MDFIC2: variants seen among roughly 807,000 people sequenced by gnomAD.
MDFIC2 encodes myoD family inhibitor domain-containing protein 2.
chr3:70,252,389 G>T (rs1292704782), intron 2 of MDFIC2, among the ~76,000 whole-genome samples: 1 of 152,164 alleles, frequency 6.6e-6, no homozygotes, highest in Non-Finnish European at 1.5e-5. Context: ...TTAGACAATT[G>T]GGTGTTGGGG....
chr3:70,211,399 TCCTTTTG>T (rs1341535998), intron 2 of MDFIC2, among the ~76,000 whole-genome samples: 64 of 6,160 alleles, frequency 0.01, no homozygotes, highest in Non-Finnish European at 0.056. Flanking sequence ...TCCCTTCCCT[TCCTTTTG>T]CCCTTCCCTT....
intron 2 of MDFIC2, among the ~76,000 whole-genome samples, chr3:70,288,024 A>C (rs1427095221): frequency 1.3e-5 from 2 of 151,170 alleles, no homozygotes; most frequent in Admixed American, 1.3e-4. Flanking sequence ...TGGATTCATT[A>C]ATTTTTTGAA....
intron 2 of MDFIC2, among the ~76,000 whole-genome samples, chr3:70,296,403 C>T (rs80045983): frequency 7.2e-5 from 11 of 152,030 alleles, no homozygotes; most frequent in Admixed American, 7.2e-4. Context: ...GAAAATGGAC[C>T]TAATTTTAGA....
chr3:70,289,917 C>T (rs1427977729), intron 2 of MDFIC2, among the ~76,000 whole-genome samples: 2 of 151,982 alleles, frequency 1.3e-5, no homozygotes, highest in African/African-American at 4.8e-5. Flanking sequence ...CCATCAGCTC[C>T]TTTAAGCACT....
chr3:70,282,575 C>G (rs1702098972), intron 2 of MDFIC2, among the ~76,000 whole-genome samples: 1 of 152,184 alleles, frequency 6.6e-6, no homozygotes. Flanking sequence ...TCTCCTGAAT[C>G]AGGAACTTTG....
At chr3:70,271,098 CTG>C (rs1424058509) in intron 2 of MDFIC2, among the ~76,000 whole-genome samples, 2 of 151,910 alleles carry the variant, frequency 1.3e-5, no homozygotes, top group African/African-American at 4.8e-5. Context: ...TTTATCGAAG[CTG>C]GGAAGTTGTA....
intron 2 of MDFIC2, among the ~76,000 whole-genome samples, chr3:70,248,311 A>G (rs1701727805): frequency 6.6e-6 from 1 of 152,128 alleles, no homozygotes; most frequent in South Asian, 2.1e-4. Flanking sequence ...CACTGGAGAA[A>G]TAATGTTCCA....
intron 2 of MDFIC2, among the ~76,000 whole-genome samples, chr3:70,289,491 C>T (rs1188619128): frequency 5.4e-5 from 8 of 149,520 alleles, no homozygotes; most frequent in African/African-American, 2.0e-4. Context: ...CTGCCCTTAA[C>T]ATTTTTTCCT....
In MDFIC2 at chr3:70,293,799, A is replaced by G. The variant is rs1018385663; in HGVS notation, c.88+18087T>C. Among the ~76,000 whole-genome samples, 4 of 152,104 alleles carry G rather than the reference A, an allele frequency of 2.6e-5. No individual in the cohort carries two copies. In the East Asian group the frequency reaches 7.7e-4, roughly 29 times the overall value. Reference sequence around the variant, plus strand: ...TATCTGAACCTTACTGAAAGGAAAGAAAAAAGACCTTAGGAACCTGGTTAT... The same window carrying G: ...TATCTGAACCTTACTGAAAGGAAAGGAAAAAGACCTTAGGAACCTGGTTAT... On this transcript the variant is annotated intron_variant, in intron 2 of 3. Coordinates refer to ENST00000567252, the MANE Select transcript of MDFIC2 (RefSeq NM_001364677.1).
chr3:70,296,263 G>A (rs1702288192), intron 2 of MDFIC2, among the ~76,000 whole-genome samples: 1 of 152,078 alleles, frequency 6.6e-6, no homozygotes, highest in South Asian at 2.1e-4. Flanking sequence ...GAGATGCAGT[G>A]ACATTTAATT....
intron 2 of MDFIC2, among the ~76,000 whole-genome samples, chr3:70,234,469 C>A (rs1046975598): frequency 2.6e-5 from 4 of 151,794 alleles, no homozygotes; most frequent in Admixed American, 6.6e-5. Context: ...GGCAACATAA[C>A]AAAACCCCAT....
intron 2 of MDFIC2, chr3:70,291,065 C>G (rs1031983419): frequency 2.0e-5 from 3 of 152,306 alleles, no homozygotes; most frequent in African/African-American, 2.4e-5. Context: ...TGTTCCTATT[C>G]GGCCATCTTG....
At chr3:70,225,191 A>C (rs578115647) in intron 2 of MDFIC2, among the ~76,000 whole-genome samples, 31 of 136,926 alleles carry the variant, frequency 2.3e-4, no homozygotes, top group African/African-American at 8.1e-4. Context: ...CCACAAAAGA[A>C]ATTTTATTTT....
intron 2 of MDFIC2, among the ~76,000 whole-genome samples, chr3:70,261,828 G>A (rs1443165344): frequency 6.6e-6 from 1 of 152,118 alleles, no homozygotes; most frequent in East Asian, 1.9e-4. Context: ...ACTAGGATGT[G>A]ACTGGAACCT....
At position 70,195,687 on chromosome 3, in the gene MDFIC2, T is replaced by G. The variant is rs1414903026; in HGVS notation, c.*1239A>C. Among the ~76,000 whole-genome samples, 1 of 152,232 alleles carries G rather than the reference T, an allele frequency of 6.6e-6. No homozygotes were observed. The highest frequency in any genetic ancestry group is 1.5e-5 in the Non-Finnish European group (1 of 68,046). On this transcript the variant is annotated 3_prime_UTR_variant, in exon 4 of 4. Transcript: ENST00000567252. ...TGTTCTTTGTTTGGTTACTCATGCA[T>G]GATGCTTTTTTATATTCAGTGAAAA...
intron 2 of MDFIC2, among the ~76,000 whole-genome samples, chr3:70,310,764 G>A (rs1263921433): frequency 1.3e-5 from 2 of 152,168 alleles, no homozygotes; most frequent in East Asian, 3.8e-4. Context: ...TTTCAACACT[G>A]TAGGAAAACA....
chr3:70,274,782 G>C (rs776740146), intron 2 of MDFIC2, among the ~76,000 whole-genome samples: 4 of 151,958 alleles, frequency 2.6e-5, no homozygotes, highest in African/African-American at 2.4e-5. Flanking sequence ...ATTTTAAAAA[G>C]GAAACTTCCA....
At chr3:70,304,279 T>G (rs1702379049) in intron 2 of MDFIC2, among the ~76,000 whole-genome samples, 1 of 152,188 alleles carries the variant, frequency 6.6e-6, no homozygotes, top group Non-Finnish European at 1.5e-5. Flanking sequence ...AAATTTTATT[T>G]AATTTCCATT....
chr3:70,283,422 G>C (rs1702108760), intron 2 of MDFIC2, among the ~76,000 whole-genome samples: 1 of 152,042 alleles, frequency 6.6e-6, no homozygotes. Context: ...AATTCTCCCT[G>C]GATACTGTAG....
Sources: allele counts gnomAD v4.1 joint callset (sites outside exome capture counted in the v4.1 genomes callset), GRCh38; gene constraint gnomAD v4.1.1; transcripts MANE v1.5; gene names NCBI Gene and HGNC (gene_info 2026-07-23, HGNC 2026-07-21).